The following SPEF2 variants were observed in gnomAD, a reference collection of about 807,000 sequenced individuals.
SPEF2 encodes the protein sperm flagellar and cilia associated 2.
In SPEF2, 187 loss-of-function variants were observed where a neutral mutation model predicts 224.6. The observed-to-expected ratio is 0.83, with a 90% CI of 0.74 to 0.94. SPEF2 has a LOEUF of 0.94. Ranked by LOEUF, SPEF2 falls within the 40% of genes least tolerant of loss-of-function variation. The pLI, the probability that SPEF2 is intolerant of heterozygous loss-of-function variation, is 0.00. For missense variants in SPEF2, 2,170 were observed against 2,135.6 expected (o/e 1.02, Z -0.32); for synonymous variants, 715 against 707.3 (o/e 1.01, Z -0.17).
In SPEF2 at chr5:35,795,708, T is replaced by C. The variant is rs1457567119; in HGVS notation, c.4743T>C (p.Gly1581=). 1.9e-6 allele frequency: 3 copies of C among 1,612,786 alleles called. No individual in the cohort carries two copies. Among genetic ancestry groups the C allele is most frequent in the South Asian group, 1.1e-5 (1 of 90,738 alleles). ...TITFEQYMQA[G]LWFTGDEDIK... is the part of the protein sequence containing the mutation. ...CATTTTTATTTTTTATGTAGGCTGG[T>C]CTGTGGTTTACAGGAGATGAAGATA... Residue 1581 remains glycine (G), a synonymous_variant, in exon 33 of 37, where the codon GGT becomes GGC. Transcript: ENST00000356031.
intron 31 of SPEF2, among the ~76,000 whole-genome samples, chr5:35,792,750 G>T (rs1756137837): frequency 1.3e-5 from 2 of 152,154 alleles, no homozygotes; most frequent in African/African-American, 4.8e-5. Context: ...AGATAATTCT[G>T]GTTGTTCTTG....
intron 1 of SPEF2, among the ~76,000 whole-genome samples, chr5:35,628,116 G>A (rs566441444): frequency 2.0e-5 from 3 of 152,128 alleles, no homozygotes; most frequent in Non-Finnish European, 2.9e-5. Context: ...AAGTATTAGA[G>A]TATGATTTTA....
At chr5:35,788,073 A>AT in intron 30 of SPEF2, 1 of 702,730 alleles carries the variant, frequency 1.4e-6, no homozygotes, top group Non-Finnish European at 2.6e-6. Flanking sequence ...AGTCAAGTGA[A>AT]TTTTTTTTAT....
rs1322680023 is a variant in SPEF2, at chr5:35,806,740, T to C, written c.5044T>C (p.Phe1682Leu). 2.5e-6 allele frequency: 4 copies of C among 1,613,882 alleles called. No individual in the cohort carries two copies. Among genetic ancestry groups the C allele is most frequent in the Non-Finnish European group, 3.4e-6 (4 of 1,179,944 alleles). The change falls in exon 35 of 37, where the codon TTT becomes CTT. Residue 1682 changes from phenylalanine (F) to leucine (L), a missense_variant. Coordinates refer to ENST00000356031, the MANE Select transcript of SPEF2 (RefSeq NM_024867.4). ...SSTDAGPAEE[F>L]PEPEENAARE... is the part of the protein sequence containing the mutation. ...AACTGATGCAGGTCCAGCTGAGGAA[T>C]TTCCTGAACCTGAGGAAAATGCTGC...
chr5:35,651,317 T>C (rs927999224), intron 6 of SPEF2, among the ~76,000 whole-genome samples: 10 of 152,256 alleles, frequency 6.6e-5, no homozygotes, highest in Middle Eastern at 3.4e-3. Context: ...AGGTCCCTTC[T>C]TCACAGAAGC....
intron 26 of SPEF2, among the ~76,000 whole-genome samples, chr5:35,764,220 TA>T (rs1751758736): frequency 6.6e-6 from 1 of 152,130 alleles, no homozygotes; most frequent in Non-Finnish European, 1.5e-5. Context: ...GTCTGGCCTA[TA>T]AGGGCTCTAT....
chr5:35,648,677 T>G (rs961673183), intron 5 of SPEF2, among the ~76,000 whole-genome samples: 4 of 152,190 alleles, frequency 2.6e-5, no homozygotes, highest in African/African-American at 7.2e-5. Flanking sequence ...GACCTAAAGT[T>G]AAACTTCAGA....
chr5:35,669,145 C>T (rs189923185), intron 9 of SPEF2, among the ~76,000 whole-genome samples: 43 of 152,156 alleles, frequency 2.8e-4, no homozygotes, highest in Admixed American at 1.3e-3. Context: ...TTCTAGGTAC[C>T]TTATATAAGT....
chr5:35,781,550 TAGA>T (rs1754337827), intron 30 of SPEF2: 1 of 152,066 alleles, frequency 6.6e-6, no homozygotes, highest in Admixed American at 6.5e-5. Context: ...TCCAGGCGAG[TAGA>T]AGAGGAGGCT....
chr5:35,688,431 T>C (rs1395748779), intron 10 of SPEF2, among the ~76,000 whole-genome samples: 3 of 152,224 alleles, frequency 2.0e-5, no homozygotes. Flanking sequence ...AGATATTGTT[T>C]TATTTTGTTT....
At chr5:35,797,243 A>T (rs1369034001) in intron 33 of SPEF2, among the ~76,000 whole-genome samples, 3 of 151,970 alleles carry the variant, frequency 2.0e-5, no homozygotes, top group Non-Finnish European at 4.4e-5. Context: ...GGAGGAAAGG[A>T]ACAAAGTCAG....
chr5:35,742,657 T>C (rs1231485654), intron 23 of SPEF2, among the ~76,000 whole-genome samples: 2 of 151,980 alleles, frequency 1.3e-5, no homozygotes, highest in Non-Finnish European at 2.9e-5. Flanking sequence ...AATGGTCATT[T>C]ATTTTCCACC....
At position 35,675,802 on chromosome 5, in the gene SPEF2, C is replaced by A. The variant is rs1209965127; in HGVS notation, c.1524+5575C>A. The A allele has an allele frequency of 1.0e-5, 4 of 392,362 alleles. No individual in the cohort carries two copies. The Admixed American group carries it at 1.2e-4, about 12-fold the overall frequency. 24.3% of individuals were successfully genotyped at this position (392,362 alleles called of 1,614,324 possible). On this transcript the variant is annotated intron_variant, in intron 10 of 36. Coordinates refer to ENST00000356031, the MANE Select transcript of SPEF2 (RefSeq NM_024867.4). ...AGCAGAACATCAATGTATTAGTTTT[C>A]AAAGAGGGCTCTATTTGCCCTAGGT...
chr5:35,739,901 C>T lies in SPEF2; in HGVS notation c.3064-18C>T, dbSNP rs1747302242. On this transcript the variant is annotated intron_variant, in intron 21 of 36. Coordinates refer to ENST00000356031, the MANE Select transcript of SPEF2 (RefSeq NM_024867.4). The stretch of plus-strand genomic sequence containing the variant: ...TTTCATTTTGAAGTAACAGTTTCTA[C>T]ACTTTACCATTTAACAGGAAATGCC... The T allele has an allele frequency of 1.2e-6, 2 of 1,612,028 alleles. No homozygotes were observed. Among genetic ancestry groups the T allele is most frequent in the Non-Finnish European group, 1.7e-6 (2 of 1,179,526 alleles).
At position 35,635,416 on chromosome 5, in the gene SPEF2, C is replaced by T. The variant is rs541160694; in HGVS notation, c.162-6015C>T. Among the ~76,000 whole-genome samples, 423 of 152,254 alleles carry T rather than the reference C, an allele frequency of 2.8e-3. 1 individual carries two copies. The highest frequency in any genetic ancestry group is 4.7e-3 in the Non-Finnish European group (319 of 67,996). ...GTAGTGCTTGCAGCTATAGCATTTA[C>T]CCTGAGATAACTTTACCATGAAATA... On this transcript the variant is annotated intron_variant, in intron 2 of 36. Transcript: ENST00000356031.
At chr5:35,802,217 A>T (rs1021604339) in intron 34 of SPEF2, among the ~76,000 whole-genome samples, 42 of 152,074 alleles carry the variant, frequency 2.8e-4, no homozygotes, top group Non-Finnish European at 5.9e-5. Flanking sequence ...ATCTCAAAGG[A>T]TCCGAGGCCT....
intron 34 of SPEF2, 129 bp from the exon 35 acceptor site, chr5:35,806,578 T>G: frequency 8.7e-7 from 1 of 1,154,568 alleles, no homozygotes; most frequent in Non-Finnish European, 1.2e-6. Flanking sequence ...TCTAGACTGG[T>G]TAGCTAGTTT....
chr5:35,710,968 A>T (rs1046101615), intron 19 of SPEF2: 4 of 802,046 alleles, frequency 5.0e-6, no homozygotes, highest in Non-Finnish European at 6.0e-6. Flanking sequence ...CCTTACTGTG[A>T]TGGACATTGA....
At position 35,712,846 on chromosome 5, in the gene SPEF2, A is replaced by T; in HGVS notation, c.2874A>T (p.Glu958Asp). 6.2e-7 allele frequency: 1 copy of T among 1,613,930 alleles called. No homozygotes were observed. The highest frequency in any genetic ancestry group is 2.2e-5 in the East Asian group (1 of 44,864). ...ATGGTAAGCAAGAATCTCTTCAGGA[A>T]GGAAAAGGGAAGAAAGGTGAGACCG... Reference protein sequence around the residue: ...APHGKQESLQEGKGKKGETAL... With the variant: ...APHGKQESLQDGKGKKGETAL... The change falls in exon 20 of 37, where the codon GAA becomes GAT. Residue 958 changes from glutamate to aspartate, a missense_variant. Transcript: ENST00000356031.
Sources: gnomAD v4.1 joint callset for allele counts (sites outside exome capture counted in the v4.1 genomes callset) on GRCh38, gnomAD v4.1.1 for gene constraint, MANE v1.5 for transcripts, NCBI Gene and HGNC (gene_info 2026-07-23, HGNC 2026-07-21) for gene names.